Variants in SUPT6H observed in about 807,000 individuals in gnomAD.
SUPT6H encodes the protein SPT6 homolog, histone chaperone and transcription elongation factor, also known as transcription elongation factor SPT6.
A neutral mutation model predicts 222.3 loss-of-function variants in SUPT6H; 11 were observed. The ratio of observed to expected loss-of-function variants is 0.05; its 90% CI spans 0.03 to 0.08. The LOEUF is 0.08. Ranked by LOEUF, SUPT6H falls within the 10% of genes least tolerant of loss-of-function variation. The probability of loss-of-function intolerance (pLI) is 1.00; values close to 1 mark genes in which losing one functional copy is unlikely to be tolerated. For missense variants in SUPT6H, 1,422 were observed against 2,216.0 expected, an observed-to-expected ratio of 0.64 and a Z score of 7.19; for synonymous variants, 762 against 801.2, an observed-to-expected ratio of 0.95 and a Z score of 0.83.
chr17:28,699,706 G>GT, intron 32 of SUPT6H, 75 bp from the exon 33 acceptor site: 1 of 1,213,256 alleles, frequency 8.2e-7, no homozygotes. Context: ...ACTTCACATG[G>GT]TGGGCATCTG....
At chr17:28,694,986 G>C (rs920298432) in intron 28 of SUPT6H, 7 of 209,506 alleles carry the variant, frequency 3.3e-5, no homozygotes, top group African/African-American at 1.2e-4. Context: ...TCTGGGCGAC[G>C]AGTGAGACTG....
At chr17:28,663,595 T>C (rs987000401) in intron 1 of SUPT6H, among the ~76,000 whole-genome samples, 3 of 152,122 alleles carry the variant, frequency 2.0e-5, no homozygotes, top group African/African-American at 7.2e-5. Flanking sequence ...GTAATCCTTG[T>C]CTTCCTTCCT....
chr17:28,701,241 CATG>C (rs2032119483), intron 36 of SUPT6H, 113 bp downstream of exon 36: 1 of 1,444,126 alleles, frequency 6.9e-7, no homozygotes. Context: ...GCCCTGACCA[CATG>C]ATATGCCAGG....
In SUPT6H at chr17:28,697,087, G is replaced by A. The variant is rs774493395; in HGVS notation, c.4209+5G>A. ...ACTCTGTGGATCAACAGTGAGGTGAGAGCCAGTGCCTGCCCACCTCCCATC... is the reference window on the plus strand; with the variant it reads ...ACTCTGTGGATCAACAGTGAGGTGAAAGCCAGTGCCTGCCCACCTCCCATC... On this transcript the variant is annotated splice_donor_5th_base_variant and intron_variant, in intron 30 of 36. Transcript: ENST00000314616. 1.9e-6 allele frequency: 3 copies of A among 1,613,046 alleles called. No homozygotes were observed. The highest frequency in any genetic ancestry group is 2.2e-5 in the South Asian group (2 of 90,990).
intron 11 of SUPT6H, 78 bp from the exon 12 acceptor site, chr17:28,681,178 A>T: frequency 1.3e-6 from 2 of 1,538,154 alleles, no homozygotes; most frequent in South Asian, 2.3e-5. Context: ...GCCTTTTGGG[A>T]ATTGGACCTC....
chr17:28,681,898 A>G lies in SUPT6H; in HGVS notation c.1515A>G (p.Ala505=), dbSNP rs1308032550. The G allele has an allele frequency of 1.9e-6, 3 of 1,609,828 alleles. No individual in the cohort carries two copies. Among genetic ancestry groups the G allele is most frequent in the East Asian group, 2.2e-5 (1 of 44,762 alleles). The part of the protein sequence containing the change: ...EGDEEGEGDE[A]EDEEQRGPEL... ...TCTTCCCAGGTGAAGGTGACGAGGC[A>G]GAAGATGAGGAGCAGAGGGGGCCTG... The change falls in exon 13 of 37, where the codon GCA becomes GCG. Residue 505 remains alanine, a synonymous_variant. Coordinates refer to ENST00000314616, the MANE Select transcript of SUPT6H (RefSeq NM_003170.5).
chr17:28,700,025 C>T (rs2032069145), intron 33 of SUPT6H, 132 bp downstream of exon 33: 4 of 1,389,302 alleles, frequency 2.9e-6, no homozygotes, highest in Non-Finnish European at 2.0e-6. Context: ...CTCCTGCAGC[C>T]TCCCAGCACC....
intron 1 of SUPT6H, among the ~76,000 whole-genome samples, chr17:28,664,273 C>T (rs549072087): frequency 6.6e-6 from 1 of 152,206 alleles, no homozygotes; most frequent in South Asian, 2.1e-4. Flanking sequence ...TTTGGGAGGT[C>T]GAGGTGGGCA....
rs1049909624 is a variant in SUPT6H, at chr17:28,686,245, C to T, written c.2488-94C>T. Reference sequence around the variant, plus strand: ...TGGACCAGATATCTTCTGAAGACTTCCAGTTCTTACAAGATCTCCAACATA... The same window carrying T: ...TGGACCAGATATCTTCTGAAGACTTTCAGTTCTTACAAGATCTCCAACATA... On this transcript the variant is annotated intron_variant, in intron 19 of 36. Coordinates refer to ENST00000314616, the MANE Select transcript of SUPT6H (RefSeq NM_003170.5). 21 of 1,144,330 alleles carry T rather than the reference C, an allele frequency of 1.8e-5. No homozygotes were observed. The African/African-American group carries it at 3.2e-4, about 18-fold the overall frequency. 70.9% of individuals were successfully genotyped at this position (1,144,330 alleles called of 1,614,324 possible).
intron 2 of SUPT6H, 159 bp downstream of exon 2, chr17:28,673,669 C>T (rs1275530011): frequency 3.3e-6 from 2 of 609,488 alleles, no homozygotes; most frequent in Admixed American, 5.6e-5. Context: ...AACTGAGCAT[C>T]TGTCTGTATG....
chr17:28,696,435 A>G (rs761487672), intron 29 of SUPT6H, among the ~76,000 whole-genome samples: 14 of 148,832 alleles, frequency 9.4e-5, no homozygotes, highest in Non-Finnish European at 1.6e-4. Flanking sequence ...CATCTCTACT[A>G]AAAATACAAA....
In SUPT6H at chr17:28,682,837, G is replaced by T. The variant is rs2031183937; in HGVS notation, c.1708G>T (p.Ala570Ser). 6.2e-7 allele frequency: 1 copy of T among 1,614,182 alleles called. No individual in the cohort carries two copies. The highest frequency in any genetic ancestry group is 1.3e-5 in the African/African-American group (1 of 75,026). Residue 570 changes from alanine to serine, a missense_variant, in exon 14 of 37, where the codon GCC (alanine) becomes TCC (serine). Coordinates refer to ENST00000314616, the MANE Select transcript of SUPT6H (RefSeq NM_003170.5). ...EQFPAEPLEL[A>S]KDYVCSQFPT... is the part of the protein sequence containing the mutation. ...GTTTCCCGCGGAGCCCTTGGAGCTGGCCAAGGATTACGTTTGCAGGTAGGC... is the reference window on the plus strand; with the variant it reads ...GTTTCCCGCGGAGCCCTTGGAGCTGTCCAAGGATTACGTTTGCAGGTAGGC...
intron 15 of SUPT6H, 52 bp from the exon 16 acceptor site, chr17:28,683,216 G>A (rs2031206900): frequency 6.3e-7 from 1 of 1,593,794 alleles, no homozygotes; most frequent in Non-Finnish European, 8.6e-7. Context: ...TTTTCTCCTG[G>A]GGCCTGGCCC....
At chr17:28,678,268 G>T in intron 9 of SUPT6H, 76 bp downstream of exon 9, 1 of 1,330,132 alleles carries the variant, frequency 7.5e-7, no homozygotes, top group Non-Finnish European at 1.1e-6. Flanking sequence ...TTACCTAAAT[G>T]AGGTGGGAGC....
rs770967021 is a variant in SUPT6H, at chr17:28,678,559, C to T, written c.1131C>T (p.Ala377=). The stretch of plus-strand genomic sequence containing the variant: ...TGCCATCCTAGGTGCCTTTTATTGC[C>T]TTCTATCGAAAGGAGTATGTGGAGC... ...RNQHFEVPFI[A]FYRKEYVEPE... Residue 377 remains alanine, a synonymous_variant, in exon 10 of 37, where the codon GCC becomes GCT. Coordinates refer to ENST00000314616, the MANE Select transcript of SUPT6H (RefSeq NM_003170.5). 2.1e-5 allele frequency: 34 copies of T among 1,614,044 alleles called. No individual in the cohort carries two copies. Among genetic ancestry groups the T allele is most frequent in the Non-Finnish European group, 2.6e-5 (31 of 1,180,032 alleles).
At chr17:28,691,284 T>C in intron 27 of SUPT6H, 2 of 527,820 alleles carry the variant, frequency 3.8e-6, no homozygotes, top group African/African-American at 1.9e-5. Flanking sequence ...CCTAGCACTT[T>C]GGGGGCCAAG....
rs1355378751 is a variant in SUPT6H, at chr17:28,695,340, C to T, written c.3775-12C>T. On this transcript the variant is annotated splice_polypyrimidine_tract_variant and intron_variant, in intron 28 of 36. Coordinates refer to ENST00000314616, the MANE Select transcript of SUPT6H (RefSeq NM_003170.5). ...CTTTGTCCCTTCCAGCTCAAATGTT[C>T]TGTGGATCTAGGTGGGAATGACTGT... The T allele has an allele frequency of 6.2e-7, 1 of 1,609,934 alleles. No homozygotes were observed. Among genetic ancestry groups the T allele is most frequent in the African/African-American group, 1.3e-5 (1 of 74,818 alleles).
intron 16 of SUPT6H, 76 bp downstream of exon 16, chr17:28,683,498 G>A: frequency 6.3e-7 from 1 of 1,592,970 alleles, no homozygotes; most frequent in South Asian, 1.1e-5. Flanking sequence ...GGCCCCTCAG[G>A]AGTGGGGAAC....
At chr17:28,699,444 T>C (rs1178818042) in intron 32 of SUPT6H, among the ~76,000 whole-genome samples, 1 of 152,190 alleles carries the variant, frequency 6.6e-6, no homozygotes, top group African/African-American at 2.4e-5. Flanking sequence ...TTTGCTGCTC[T>C]GGGAGGCCCC....
Sources: gnomAD v4.1 joint callset for allele counts (sites outside exome capture counted in the v4.1 genomes callset) on GRCh38, gnomAD v4.1.1 for gene constraint, MANE v1.5 for transcripts, NCBI Gene and HGNC (gene_info 2026-07-23, HGNC 2026-07-21) for gene names.